Variants in MYO9B observed in about 807,000 individuals in gnomAD.
The protein encoded by MYO9B is myosin IXB, also known as unconventional myosin-IXb.
Under a neutral mutation model 229.5 loss-of-function variants are expected in MYO9B, and 71 were observed. That is an observed-to-expected ratio of 0.31 (90% CI 0.26 to 0.38). The LOEUF (loss-of-function observed/expected upper bound fraction) is 0.38. Ranked by LOEUF, MYO9B falls within the 10% of genes least tolerant of loss-of-function variation. The pLI, the probability that MYO9B is intolerant of heterozygous loss-of-function variation, is 1.00. For synonymous variants in MYO9B, 1,185 were observed against 1,235.8 expected (o/e 0.96, Z 0.86); for missense variants, 2,255 against 2,920.5 (o/e 0.77, Z 5.25).
At position 17,193,050 on chromosome 19, in the gene MYO9B, T is replaced by C. The variant is rs1305431049; in HGVS notation, c.3116T>C (p.Leu1039Pro). ...CTGCAGAGCCTGTGTCGGGGGCACC[T>C]GCAGCGCAAGAGGTGAGCAGAGCCG... The part of the protein sequence containing the change: ...IRLQSLCRGH[L>P]QRKSFSQMIS... Residue 1039 changes from leucine (L) to proline (P), a missense_variant, in exon 21 of 40, where the codon CTG (leucine) becomes CCG (proline). Transcript: ENST00000682292. This position sits in a 1 kb window ranked among gnomAD's most constrained non-coding sequence, Gnocchi z 4.3. The C allele has an allele frequency of 1.6e-5, 23 of 1,462,034 alleles. No individual in the cohort carries two copies. Among genetic ancestry groups the C allele is most frequent in the Non-Finnish European group, 2.1e-5 (23 of 1,106,142 alleles). 90.6% of individuals were successfully genotyped at this position (1,462,034 alleles called of 1,614,324 possible).
Position 17,125,324 on chromosome 19 carries a change from A to G in MYO9B, c.841-20073A>G, listed in dbSNP as rs950223763. Among the ~76,000 whole-genome samples the G allele has an allele frequency of 2.7e-4, 36 of 135,432 alleles. No homozygotes were observed. In the Middle Eastern group the frequency reaches 0.015, roughly 56 times the overall value. The allele number at this position is 135,432 out of a possible 152,430, so 88.8% of individuals were successfully genotyped here. A position where few individuals can be genotyped will look rare whatever the true frequency, so the allele number is the denominator to read the frequency against. Reference sequence around the variant, plus strand: ...CCCCCCCCCCCAAAAAAAGGGTAAGATGAGCCCTAGGGGAAATATGATAAA... The same window carrying G: ...CCCCCCCCCCCAAAAAAAGGGTAAGGTGAGCCCTAGGGGAAATATGATAAA... On this transcript the variant is annotated intron_variant, in intron 2 of 39. Coordinates refer to ENST00000682292, the MANE Select transcript of MYO9B (RefSeq NM_004145.4).
intron 35 of MYO9B, among the ~76,000 whole-genome samples, chr19:17,208,911 TG>T (rs1348397176): frequency 0.075 from 3,716 of 49,322 alleles, 102 homozygotes; most frequent in African/African-American, 0.2. Context: ...CCTCTGGTAC[TG>T]GCCACTCCGG....
Position 17,152,633 on chromosome 19 carries a change from C to T in MYO9B, c.936-11C>T. The T allele has an allele frequency of 2.5e-6, 4 of 1,608,442 alleles. No homozygotes were observed. Among genetic ancestry groups the T allele is most frequent in the Non-Finnish European group, 2.5e-6 (3 of 1,177,104 alleles). On this transcript the variant is annotated splice_polypyrimidine_tract_variant and intron_variant, in intron 3 of 39. Coordinates refer to ENST00000682292, the MANE Select transcript of MYO9B (RefSeq NM_004145.4). The stretch of plus-strand genomic sequence containing the variant: ...AATGTTTTATTCTTTCTGTTTTTCT[C>T]TTAATGACAGAGCTGTCGTCGAGAA...
rs550343916 is a variant in MYO9B, at chr19:17,213,116, G to A, written c.*806G>A. On this transcript the variant is annotated 3_prime_UTR_variant, in exon 40 of 40. Coordinates refer to ENST00000682292, the MANE Select transcript of MYO9B (RefSeq NM_004145.4). ...CTCAGGACTGCTCACGGGTCAGGAG[G>A]GCAACGCCTGAAGTCAGACCTCCCT... 6.6e-6 allele frequency: 1 copy of A among 152,378 alleles called. No homozygotes were observed. The highest frequency in any genetic ancestry group is 2.4e-5 in the African/African-American group (1 of 41,578). 9.4% of individuals were successfully genotyped at this position (152,378 alleles called of 1,614,324 possible).
At chr19:17,165,095 C>T (rs1428474876) in intron 10 of MYO9B, among the ~76,000 whole-genome samples, 1 of 152,082 alleles carries the variant, frequency 6.6e-6, no homozygotes, top group Non-Finnish European at 1.5e-5. Flanking sequence ...GTCCTGAACT[C>T]CTGGCCTCAA....
Position 17,200,380 on chromosome 19 carries a change from C to G in MYO9B, c.4326C>G (p.Ser1442=). ...CAGAGGAGCTGGAGAATGCAGTGTC[C>G]GGGCACGTGGTGCTGGAAGCCACCA... is the stretch of plus-strand genomic sequence containing the variant. ...EGAEELENAV[S]GHVVLEATTM... is the part of the protein sequence containing the mutation. The change falls in exon 25 of 40, where the codon TCC becomes TCG. Residue 1442 remains serine, a synonymous_variant. Transcript: ENST00000682292. 6.2e-7 allele frequency: 1 copy of G among 1,602,554 alleles called. No individual in the cohort carries two copies. Among genetic ancestry groups the G allele is most frequent in the Non-Finnish European group, 8.5e-7 (1 of 1,174,252 alleles).
Position 17,101,784 on chromosome 19 carries a change from C to T in MYO9B, c.67C>T (p.Pro23Ser), listed in dbSNP as rs780799715. 4 of 1,599,018 alleles carry T rather than the reference C, an allele frequency of 2.5e-6. No individual in the cohort carries two copies. In the South Asian group the frequency reaches 4.4e-5, roughly 18 times the overall value. Residue 23 changes from proline to serine, a missense_variant, in exon 2 of 40, where the codon CCC becomes TCC. Pro to Ser is a moderately conservative substitution (Grantham distance 74, BLOSUM62 -1). This residue lies in a region of MYO9B where 386 missense variants were observed against 515.2 expected (regional missense o/e 0.75). Coordinates refer to ENST00000682292, the MANE Select transcript of MYO9B (RefSeq NM_004145.4). The surrounding 1 kb of genome is among the most constrained non-coding windows in gnomAD (Gnocchi z 4.7). ...GGCGGCCTACCACCTGCACATCTAC[C>T]CCCAGCTGTCCACCACCGAGAGCCA... ...EQAAYHLHIYPQLSTTESQAS... is the reference protein window; with the variant it reads ...EQAAYHLHIYSQLSTTESQAS...
intron 2 of MYO9B, among the ~76,000 whole-genome samples, chr19:17,134,377 G>GT (rs1568267173): frequency 1.0e-4 from 4 of 39,722 alleles, no homozygotes; most frequent in South Asian, 8.8e-4. Context: ...TTTTCGTTTT[G>GT]TTTGTTTTTT....
chr19:17,110,261 CA>C (rs1329593415), intron 2 of MYO9B, among the ~76,000 whole-genome samples: 1 of 152,194 alleles, frequency 6.6e-6, no homozygotes, highest in African/African-American at 2.4e-5. Context: ...AAGCCGGTTC[CA>C]ATCAGCTGAT....
chr19:17,126,421 G>A (rs1317448530), intron 2 of MYO9B, among the ~76,000 whole-genome samples: 1 of 152,132 alleles, frequency 6.6e-6, no homozygotes, highest in Non-Finnish European at 1.5e-5. Context: ...TTTAACAGAG[G>A]ATCCAGAACA....
intron 28 of MYO9B, 85 bp from the exon 29 acceptor site, chr19:17,202,757 C>T (rs1488060175): frequency 7.2e-7 from 1 of 1,380,166 alleles, no homozygotes; most frequent in South Asian, 1.3e-5. Context: ...AGGGTACCCA[C>T]ACGCCTGAGT....
At chr19:17,200,914 C>A in intron 26 of MYO9B, 85 bp downstream of exon 26, 1 of 1,450,296 alleles carries the variant, frequency 6.9e-7, no homozygotes, top group Non-Finnish European at 9.5e-7. Flanking sequence ...CTGAAACACA[C>A]AACACAGGGT....
At chr19:17,117,277 C>T (rs573250769) in intron 2 of MYO9B, among the ~76,000 whole-genome samples, 11 of 152,296 alleles carry the variant, frequency 7.2e-5, no homozygotes, top group Non-Finnish European at 1.2e-4. Context: ...AGGATAGATC[C>T]GATTTCTGCA....
At chr19:17,115,761 C>T (rs1335427079) in intron 2 of MYO9B, among the ~76,000 whole-genome samples, 4 of 151,964 alleles carry the variant, frequency 2.6e-5, no homozygotes, top group Non-Finnish European at 5.9e-5. Context: ...TGAGCCACTG[C>T]ACCCGGCCCC....
At chr19:17,137,148 A>T (rs780120448) in intron 2 of MYO9B, among the ~76,000 whole-genome samples, 27 of 151,684 alleles carry the variant, frequency 1.8e-4, no homozygotes, top group Middle Eastern at 3.4e-3. Context: ...GAATTGCTTG[A>T]ACCCAGGAGG....
intron 1 of MYO9B, among the ~76,000 whole-genome samples, chr19:17,094,015 TTTGTTGTTG>T (rs141113380): frequency 0.19 from 27,697 of 148,468 alleles, 2,711 homozygotes; most frequent in Non-Finnish European, 0.22. Context: ...TGCAGCTGGC[TTTGTTGTTG>T]TTGTTGTTGT....
chr19:17,093,634 C>T (rs1033928928), intron 1 of MYO9B, among the ~76,000 whole-genome samples: 1 of 145,974 alleles, frequency 6.9e-6, no homozygotes, highest in Non-Finnish European at 1.5e-5. Flanking sequence ...AGATAAACTC[C>T]TGGGGAAATG....
intron 3 of MYO9B, among the ~76,000 whole-genome samples, chr19:17,151,758 A>G (rs972359045): frequency 6.6e-6 from 1 of 152,094 alleles, no homozygotes; most frequent in Non-Finnish European, 1.5e-5. Flanking sequence ...CTCTACAAAA[A>G]CTACAAAAAC....
intron 8 of MYO9B, among the ~76,000 whole-genome samples, chr19:17,160,956 C>T (rs375352440): frequency 1.3e-5 from 2 of 152,122 alleles, no homozygotes; most frequent in Admixed American, 6.5e-5. Flanking sequence ...GCCTCGGCCT[C>T]CCAAAATGCT....
Sources: allele counts gnomAD v4.1 joint callset (sites outside exome capture counted in the v4.1 genomes callset), GRCh38; gene constraint gnomAD v4.1.1; regional missense constraint gnomAD v4.1.1; non-coding constraint Gnocchi (gnomAD v3.1); transcripts MANE v1.5; gene names NCBI Gene and HGNC (gene_info 2026-07-23, HGNC 2026-07-21).